The following NUP205 variants were observed in gnomAD, a reference collection of about 807,000 sequenced individuals.
NUP205 encodes the protein nuclear pore complex protein Nup205.
In NUP205, 76 loss-of-function variants were observed where a neutral mutation model predicts 253.8. The observed-to-expected ratio is 0.30, with a 90% CI of 0.25 to 0.36. NUP205 has a LOEUF of 0.36. Ranked by LOEUF, NUP205 falls within the 10% of genes least tolerant of loss-of-function variation. NUP205 has a pLI of 1.00. For synonymous variants in NUP205, 832 were observed against 850.1 expected (o/e 0.98, Z 0.37); for missense variants, 2,162 against 2,425.5 (o/e 0.89, Z 2.28).
chr7:135,588,990 G>A (rs552685669), intron 10 of NUP205, among the ~76,000 whole-genome samples: 1 of 150,842 alleles, frequency 6.6e-6, no homozygotes, highest in Non-Finnish European at 1.5e-5. Context: ...ACCAGCCTGG[G>A]CAATGTAATG....
In NUP205 at chr7:135,575,406, G is replaced by A. The variant is rs539547728; in HGVS notation, c.344-864G>A. Among the ~76,000 whole-genome samples, 7 of 152,180 alleles carry A rather than the reference G, an allele frequency of 4.6e-5. No homozygotes were observed. The South Asian group carries it at 1.2e-3, about 27-fold the overall frequency. On this transcript the variant is annotated intron_variant, in intron 3 of 42. Coordinates refer to ENST00000285968, the MANE Select transcript of NUP205 (RefSeq NM_015135.3). ...GGTGAAGCAAGGTGATGAATTTGGG[G>A]AACAGAAAGGAGTAGAGTGGAGGAG...
In NUP205 at chr7:135,571,267, A is replaced by G. The variant is rs1349819087; in HGVS notation, c.171+20A>G. ...AATCCGGTAAGAAATTTTCTTTTTC[A>G]GTTTTTTTGGGATTTTTTTTTTTTT... is the stretch of plus-strand genomic sequence containing the variant. On this transcript the variant is annotated intron_variant, in intron 2 of 42. Transcript: ENST00000285968. 7.3e-7 allele frequency: 1 copy of G among 1,374,142 alleles called. No individual in the cohort carries two copies. Among genetic ancestry groups the G allele is most frequent in the Non-Finnish European group, 9.5e-7 (1 of 1,053,960 alleles). The allele number at this position is 1,374,142 out of a possible 1,614,324, so 85.1% of individuals were successfully genotyped here. A position where few individuals can be genotyped will look rare whatever the true frequency, so the allele number is the denominator to read the frequency against.
At chr7:135,562,723 T>G (rs1805623872) in intron 1 of NUP205, among the ~76,000 whole-genome samples, 1 of 151,890 alleles carries the variant, frequency 6.6e-6, no homozygotes, top group African/African-American at 2.4e-5. Context: ...AATTTTTGTA[T>G]TTTTAGTAGA....
rs778803489 is a variant in NUP205 at position 135,625,260 on chromosome 7, G to A, written c.4576G>A (p.Val1526Ile). Reference protein sequence around the residue: ...LSNSGYLKVLVDSLVEDDRTL... With the variant: ...LSNSGYLKVLIDSLVEDDRTL... Reference sequence around the variant, plus strand: ...TAACAGTGGCTACTTGAAGGTCCTCGTAGACAGCTTGGTAGAAGATGACCG... The same window carrying A: ...TAACAGTGGCTACTTGAAGGTCCTCATAGACAGCTTGGTAGAAGATGACCG... Residue 1526 changes from valine to isoleucine, a missense_variant, in exon 32 of 43, where the codon GTA (valine) becomes ATA (isoleucine). Coordinates refer to ENST00000285968, the MANE Select transcript of NUP205 (RefSeq NM_015135.3). 97 of 1,613,972 alleles carry A rather than the reference G, an allele frequency of 6.0e-5. No homozygotes were observed. The Middle Eastern group carries it at 1.2e-3, about 19-fold the overall frequency.
intron 27 of NUP205, among the ~76,000 whole-genome samples, chr7:135,617,972 C>T (rs2129491322): frequency 6.6e-6 from 1 of 151,720 alleles, no homozygotes; most frequent in East Asian, 1.9e-4. Context: ...GGTCATTTGT[C>T]ATCACAAGTG....
At chr7:135,598,246 T>TA (rs1488619193) in intron 15 of NUP205, 39 bp downstream of exon 15, 2 of 1,537,882 alleles carry the variant, frequency 1.3e-6, no homozygotes, top group East Asian at 4.5e-5. Context: ...CTTATGCATT[T>TA]ACTGCTTTTT....
intron 42 of NUP205, 50 bp downstream of exon 42, chr7:135,646,281 G>T: frequency 7.6e-7 from 1 of 1,312,070 alleles, no homozygotes; most frequent in East Asian, 2.3e-5. Context: ...AAAGTAAAAG[G>T]GCTGGGTGTG....
At chr7:135,561,549 A>G (rs1805580243) in intron 1 of NUP205, among the ~76,000 whole-genome samples, 1 of 152,064 alleles carries the variant, frequency 6.6e-6, no homozygotes, top group Admixed American at 6.6e-5. Context: ...ACCTTTCTAC[A>G]CTCTTCAAAT....
In NUP205 at chr7:135,638,582, G is replaced by C. The variant is rs1280076856; in HGVS notation, c.5291G>C (p.Cys1764Ser). 6.2e-7 allele frequency: 1 copy of C among 1,613,756 alleles called. No individual in the cohort carries two copies. The highest frequency in any genetic ancestry group is 1.1e-5 in the South Asian group (1 of 91,068). ...ATTTGTGCCAATGTAATGGAATATTGCCAGTCACTCATGTTACAGAGTTCC... is the reference window on the plus strand; with the variant it reads ...ATTTGTGCCAATGTAATGGAATATTCCCAGTCACTCATGTTACAGAGTTCC... ...QQICANVMEYCQSLMLQSSPT... is the reference protein window; with the variant it reads ...QQICANVMEYSQSLMLQSSPT... Residue 1764 changes from cysteine (C) to serine (S), a missense_variant, in exon 38 of 43, where the codon TGC becomes TCC. Cys to Ser is a moderately radical substitution (Grantham distance 112). Coordinates refer to ENST00000285968, the MANE Select transcript of NUP205 (RefSeq NM_015135.3).
Position 135,576,469 on chromosome 7 carries a change from C to T in NUP205, c.488+55C>T, listed in dbSNP as rs1806154852. 7.6e-6 allele frequency: 11 copies of T among 1,456,878 alleles called. No homozygotes were observed. The South Asian group carries it at 1.3e-4, about 17-fold the overall frequency. The allele number at this position is 1,456,878 out of a possible 1,614,324, so 90.2% of individuals were successfully genotyped here. A position where few individuals can be genotyped will look rare whatever the true frequency, so the allele number is the denominator to read the frequency against. On this transcript the variant is annotated intron_variant, in intron 4 of 42. Coordinates refer to ENST00000285968, the MANE Select transcript of NUP205 (RefSeq NM_015135.3). ...TAATTTGAAATTACTTGAAGTATGACAATATTTCCCTTATTATATACAATC... is the reference window on the plus strand; with the variant it reads ...TAATTTGAAATTACTTGAAGTATGATAATATTTCCCTTATTATATACAATC...
At chr7:135,610,811 C>T (rs1022143626) in intron 22 of NUP205, among the ~76,000 whole-genome samples, 4 of 152,248 alleles carry the variant, frequency 2.6e-5, no homozygotes, top group Admixed American at 2.6e-4. Context: ...CTTACTGATA[C>T]CTTCCTTGTC....
rs753823980 is a variant in NUP205, at chr7:135,587,621, A to G, written c.1265A>G (p.His422Arg). 1 of 1,610,522 alleles carries G rather than the reference A, an allele frequency of 6.2e-7. No individual in the cohort carries two copies. The highest frequency in any genetic ancestry group is 8.5e-7 in the Non-Finnish European group (1 of 1,178,478). The change falls in exon 9 of 43, where the codon CAC becomes CGC. Residue 422 changes from histidine to arginine, a missense_variant. Physicochemically the swap from His to Arg is conservative, Grantham distance 29. Transcript: ENST00000285968. ...GCAGATGAAGATGCTCGAATGATTC[A>G]CATGAGTATGCAGATGGGTAATGAA... is the stretch of plus-strand genomic sequence containing the variant. ...NRADEDARMI[H>R]MSMQMGNEPP...
intron 22 of NUP205, among the ~76,000 whole-genome samples, chr7:135,608,917 A>G (rs1282970739): frequency 6.6e-6 from 1 of 151,890 alleles, no homozygotes; most frequent in Non-Finnish European, 1.5e-5. Flanking sequence ...CCTGGCCAAC[A>G]TGGTGGAACC....
intron 3 of NUP205, among the ~76,000 whole-genome samples, chr7:135,574,973 A>G (rs1806112605): frequency 6.6e-6 from 1 of 152,214 alleles, no homozygotes; most frequent in Admixed American, 6.5e-5. Context: ...GGGGATGTTC[A>G]CTAGACATGC....
At chr7:135,561,782 G>A (rs981366773) in intron 1 of NUP205, among the ~76,000 whole-genome samples, 1 of 151,752 alleles carries the variant, frequency 6.6e-6, no homozygotes, top group African/African-American at 2.4e-5. Context: ...TCTCTCTCTT[G>A]CTCTTCCCTT....
rs1794388503 is a variant in NUP205 at position 135,617,612 on chromosome 7, G to A, written c.3701G>A (p.Arg1234Lys). 3.7e-6 allele frequency: 6 copies of A among 1,611,956 alleles called. No homozygotes were observed. The highest frequency in any genetic ancestry group is 1.3e-5 in the African/African-American group (1 of 74,940). The change falls in exon 27 of 43, where the codon AGG becomes AAG. Residue 1234 changes from arginine to lysine, a missense_variant. By Grantham distance (26) the Arg-to-Lys change is conservative. This residue lies in a region of NUP205 where 1,144 missense variants were observed against 1,280.9 expected (regional missense o/e 0.89). Coordinates refer to ENST00000285968, the MANE Select transcript of NUP205 (RefSeq NM_015135.3). Reference sequence around the variant, plus strand: ...TTCCTAATTATCCAGCTTCTTCATAGGGTTCTTGTAGCTGAAGTAAATGCC... The same window carrying A: ...TTCCTAATTATCCAGCTTCTTCATAAGGTTCTTGTAGCTGAAGTAAATGCC... Reference protein sequence around the residue: ...QTVCNVKLLHRVLVAEVNALQ... With the variant: ...QTVCNVKLLHKVLVAEVNALQ...
At position 135,630,299 on chromosome 7, in the gene NUP205, A is replaced by G. The variant is rs149417589; in HGVS notation, c.4933-45A>G. On this transcript the variant is annotated intron_variant, in intron 34 of 42. Coordinates refer to ENST00000285968, the MANE Select transcript of NUP205 (RefSeq NM_015135.3). ...ATTATGCATTTATATATAATTTTCT[A>G]CTTCTACCTGTTTTTTCTATTCCTC... 2.8e-4 allele frequency: 404 copies of G among 1,435,668 alleles called. 1 individual carries two copies. The African/African-American group carries it at 5.6e-3, about 20-fold the overall frequency. The allele number at this position is 1,435,668 out of a possible 1,614,324, so 88.9% of individuals were successfully genotyped here.
At chr7:135,636,623 AAC>A (rs1563138798) in intron 36 of NUP205, among the ~76,000 whole-genome samples, 1 of 152,208 alleles carries the variant, frequency 6.6e-6, no homozygotes, top group Non-Finnish European at 1.5e-5. Flanking sequence ...AGAAGCGGCA[AAC>A]ACACATTTAT....
At chr7:135,564,540 G>A (rs975357614) in intron 1 of NUP205, among the ~76,000 whole-genome samples, 2 of 150,994 alleles carry the variant, frequency 1.3e-5, no homozygotes, top group African/African-American at 2.4e-5. Context: ...GAGTCACCAC[G>A]CCCGGCCTGT....
Sources: allele counts gnomAD v4.1 joint callset (sites outside exome capture counted in the v4.1 genomes callset), GRCh38; gene constraint gnomAD v4.1.1; regional missense constraint gnomAD v4.1.1; transcripts MANE v1.5; gene names NCBI Gene and HGNC (gene_info 2026-07-23, HGNC 2026-07-21).